Variants in ANKFN1 observed in about 807,000 individuals in gnomAD.
ANKFN1 encodes ankyrin repeat and fibronectin type III domain containing 1.
A neutral mutation model predicts 108.7 loss-of-function variants in ANKFN1; 74 were observed. The observed-to-expected ratio is 0.68, with a 90% confidence interval of 0.56 to 0.83. The LOEUF (loss-of-function observed/expected upper bound fraction) is 0.83. Among genes scored for constraint, ANKFN1 ranks in the 40% least tolerant of loss-of-function variants. The pLI, the probability that ANKFN1 is intolerant of heterozygous loss-of-function variation, is 0.00. For missense variants in ANKFN1, 1,505 were observed against 1,382.3 expected, an observed-to-expected ratio of 1.09 and a Z score of -1.41; for synonymous variants, 547 against 516.2, an observed-to-expected ratio of 1.06 and a Z score of -0.81.
chr17:56,129,571 T>A (rs150674331), intron 4 of ANKFN1, among the ~76,000 whole-genome samples: 1 of 152,174 alleles, frequency 6.6e-6, no homozygotes, highest in East Asian at 1.9e-4. Context: ...AAATGAAACA[T>A]AAGGTTACTT....
At chr17:56,068,799 A>ATTT (rs1905090092) in intron 4 of ANKFN1, among the ~76,000 whole-genome samples, 1 of 152,242 alleles carries the variant, frequency 6.6e-6, no homozygotes, top group Admixed American at 6.5e-5. Context: ...TCTCATTCAT[A>ATTT]CACATATTTC....
In ANKFN1 at chr17:56,285,702, C is replaced by T. The variant is rs545296509; in HGVS notation, c.54-40519C>T. On this transcript the variant is annotated intron_variant, in intron 3 of 20. Coordinates refer to ENST00000682825, the MANE Select transcript of ANKFN1 (RefSeq NM_001370326.1). ...CACAGACTTCCCTGCCCAGATAGTC[C>T]TCTTCCTCGGTTTCCTCCCAATAGT... Among the ~76,000 whole-genome samples, 5 of 152,244 alleles carry T rather than the reference C, an allele frequency of 3.3e-5. No individual in the cohort carries two copies. In the East Asian group the frequency reaches 7.7e-4, roughly 24 times the overall value.
At chr17:56,178,822 C>T (rs1476870809) in intron 1 of ANKFN1, among the ~76,000 whole-genome samples, 2 of 152,028 alleles carry the variant, frequency 1.3e-5, no homozygotes, top group East Asian at 1.9e-4. Flanking sequence ...AAGGGTGCAA[C>T]GTGTAGCATT....
chr17:56,400,082 T>C (rs1300871578), intron 8 of ANKFN1, among the ~76,000 whole-genome samples: 1 of 151,934 alleles, frequency 6.6e-6, no homozygotes, highest in Non-Finnish European at 1.5e-5. Flanking sequence ...ATGACTTCTT[T>C]TCCTCTGGGT....
At chr17:56,483,695 C>T (rs760466763) in intron 18 of ANKFN1, among the ~76,000 whole-genome samples, 1 of 152,182 alleles carries the variant, frequency 6.6e-6, no homozygotes, top group Non-Finnish European at 1.5e-5. Flanking sequence ...CACAATTAAT[C>T]ACATTGGCCA....
chr17:56,101,524 T>C (rs770474605), intron 4 of ANKFN1, among the ~76,000 whole-genome samples: 1 of 152,236 alleles, frequency 6.6e-6, no homozygotes, highest in Non-Finnish European at 1.5e-5. Flanking sequence ...TAGCATGTTA[T>C]ATGATAGTAC....
chr17:56,408,924 G>T (rs1412119707), intron 8 of ANKFN1, among the ~76,000 whole-genome samples: 1 of 147,632 alleles, frequency 6.8e-6, no homozygotes, highest in African/African-American at 2.6e-5. Context: ...ATGCTTTTAA[G>T]ATTTTTTTTT....
At chr17:56,431,006 C>G (rs748765136) in intron 8 of ANKFN1, among the ~76,000 whole-genome samples, 3 of 152,226 alleles carry the variant, frequency 2.0e-5, no homozygotes, top group Non-Finnish European at 4.4e-5. Flanking sequence ...GCATTTGCAG[C>G]AAAATGAACA....
intron 15 of ANKFN1, chr17:56,471,916 A>T (rs1345605945): frequency 6.6e-6 from 1 of 152,234 alleles, no homozygotes; most frequent in East Asian, 1.9e-4. Context: ...CAGCTAATGA[A>T]TGTGTGGTTT....
At chr17:56,117,298 G>T (rs1318741089) in intron 4 of ANKFN1, among the ~76,000 whole-genome samples, 2 of 152,074 alleles carry the variant, frequency 1.3e-5, no homozygotes, top group Admixed American at 6.6e-5. Flanking sequence ...ATTGACTTTT[G>T]CTCAGTAACA....
At chr17:56,323,343 A>G (rs903228506) in intron 3 of ANKFN1, 1 of 152,622 alleles carries the variant, frequency 6.6e-6, no homozygotes, top group Non-Finnish European at 1.5e-5. Context: ...AGAACCAGAG[A>G]AATCTTCCTA....
At chr17:56,238,831 G>A (rs1030642395) in intron 3 of ANKFN1, among the ~76,000 whole-genome samples, 9 of 152,046 alleles carry the variant, frequency 5.9e-5, no homozygotes, top group South Asian at 2.1e-4. Flanking sequence ...ATTGCTCCCC[G>A]GCAAACTGGT....
At position 56,457,398 on chromosome 17, in the gene ANKFN1, A is replaced by C. The variant is rs776128214; in HGVS notation, c.1440+9A>C. The C allele has an allele frequency of 3.2e-6, 5 of 1,575,896 alleles. No individual in the cohort carries two copies. In the South Asian group the frequency reaches 6.0e-5, roughly 19 times the overall value. On this transcript the variant is annotated intron_variant, in intron 13 of 20. Transcript: ENST00000682825. ...TTCTGTGGTTCACGAAGGTATACTA[A>C]GTTCTGATTTCATTTTTCCCTACTT... is the stretch of plus-strand genomic sequence containing the variant.
At chr17:56,437,496 A>C (rs1245593639) in intron 8 of ANKFN1, among the ~76,000 whole-genome samples, 1 of 152,204 alleles carries the variant, frequency 6.6e-6, no homozygotes, top group African/African-American at 2.4e-5. Context: ...TTTCAATGGC[A>C]ACCAAAGATA....
intron 4 of ANKFN1, among the ~76,000 whole-genome samples, chr17:56,140,894 A>G (rs544893731): frequency 6.6e-6 from 1 of 152,344 alleles, no homozygotes; most frequent in East Asian, 1.9e-4. Context: ...ACTCCCAAGT[A>G]GGACATCTGT....
At chr17:56,273,360 AT>A (rs967280040) in intron 3 of ANKFN1, among the ~76,000 whole-genome samples, 3 of 151,958 alleles carry the variant, frequency 2.0e-5, no homozygotes, top group Non-Finnish European at 2.9e-5. Flanking sequence ...TGACACTTGG[AT>A]TTTTTTCCCA....
At chr17:56,210,209 G>C (rs59970718) in intron 1 of ANKFN1, among the ~76,000 whole-genome samples, 25,392 of 152,106 alleles carry the variant, frequency 0.17, 3,509 homozygotes, top group African/African-American at 0.38. Context: ...AAACATGCAT[G>C]TACAAGTATC....
chr17:56,053,390 G>A (rs780984552), intron 4 of ANKFN1, among the ~76,000 whole-genome samples: 39 of 152,084 alleles, frequency 2.6e-4, no homozygotes, highest in Non-Finnish European at 2.5e-4. Flanking sequence ...AAGTGTAAAT[G>A]AGAGCATACA....
At position 56,513,046 on chromosome 17, in the gene ANKFN1, A is replaced by G. The variant is rs1344406844; in HGVS notation, c.*1777A>G. 6.6e-6 allele frequency among the ~76,000 whole-genome samples: 1 copy of G among 152,194 alleles called. No individual in the cohort carries two copies. The highest frequency in any genetic ancestry group is 1.5e-5 in the Non-Finnish European group (1 of 68,032). On this transcript the variant is annotated 3_prime_UTR_variant, in exon 21 of 21. Transcript: ENST00000682825. ...CTAGACGGGCCCATAAAATTTATCT[A>G]AGTCCGTGGGTTTGCAGGTAGGGCA...
Sources: allele counts gnomAD v4.1 joint callset (sites outside exome capture counted in the v4.1 genomes callset), GRCh38; gene constraint gnomAD v4.1.1; transcripts MANE v1.5; gene names NCBI Gene and HGNC (gene_info 2026-07-23, HGNC 2026-07-21).